The following ATRNL1 variants were observed in gnomAD, a reference collection of about 807,000 sequenced individuals.
The protein encoded by ATRNL1 is attractin like 1.
Under a neutral mutation model 182.7 loss-of-function variants are expected in ATRNL1, and 95 were observed. The observed-to-expected ratio is 0.52, with a 90% CI of 0.44 to 0.62. ATRNL1 has a LOEUF of 0.62. Ranked by LOEUF, ATRNL1 falls within the 20% of genes least tolerant of loss-of-function variation. ATRNL1 has a pLI of 0.00. For missense variants in ATRNL1, 1,471 were observed against 1,679.5 expected, an observed-to-expected ratio of 0.88 and a Z score of 2.17; for synonymous variants, 576 against 568.3, an observed-to-expected ratio of 1.01 and a Z score of -0.19.
intron 27 of ATRNL1, among the ~76,000 whole-genome samples, chr10:115,846,346 C>G (rs1228192844): frequency 6.6e-6 from 1 of 151,816 alleles, no homozygotes; most frequent in Non-Finnish European, 1.5e-5. Flanking sequence ...AATTTCAGTC[C>G]AAGTTTTACA....
At chr10:115,223,929 A>ATATATATAT (rs1420143943) in intron 9 of ATRNL1, among the ~76,000 whole-genome samples, 3 of 44,732 alleles carry the variant, frequency 6.7e-5, no homozygotes, top group African/African-American at 2.8e-4. Flanking sequence ...ATATATATAT[A>ATATATATAT]TTTTTTTTTT....
chr10:115,846,577 A>G (rs915978938), intron 27 of ATRNL1, among the ~76,000 whole-genome samples: 3 of 152,086 alleles, frequency 2.0e-5, no homozygotes, highest in African/African-American at 7.2e-5. Context: ...TGTTGCTTTG[A>G]TATATCAACC....
intron 27 of ATRNL1, among the ~76,000 whole-genome samples, chr10:115,836,259 A>G (rs1375336633): frequency 6.6e-6 from 1 of 152,144 alleles, no homozygotes; most frequent in Non-Finnish European, 1.5e-5. Context: ...AATAGGGGAA[A>G]TATTCTGAGG....
At chr10:115,150,125 T>A (rs1554880230) in intron 5 of ATRNL1, among the ~76,000 whole-genome samples, 2 of 152,048 alleles carry the variant, frequency 1.3e-5, no homozygotes, top group Non-Finnish European at 2.9e-5. Context: ...TTCCAGTTTG[T>A]TAGTGTATAG....
At chr10:115,692,255 A>T (rs1200410569) in intron 26 of ATRNL1, among the ~76,000 whole-genome samples, 5 of 152,218 alleles carry the variant, frequency 3.3e-5, no homozygotes, top group Non-Finnish European at 7.3e-5. Context: ...TAGGTGCCTG[A>T]TGGGACCCTA....
chr10:115,361,457 G>C (rs560910614), intron 19 of ATRNL1, among the ~76,000 whole-genome samples: 1 of 152,114 alleles, frequency 6.6e-6, no homozygotes, highest in East Asian at 1.9e-4. Flanking sequence ...GAGCATCATT[G>C]TTTGTGGATC....
At chr10:115,129,108 G>A (rs1209386477) in intron 4 of ATRNL1, among the ~76,000 whole-genome samples, 6 of 152,086 alleles carry the variant, frequency 3.9e-5, no homozygotes, top group African/African-American at 1.2e-4. Context: ...TGGTATCAAA[G>A]TAAATCTGTT....
rs903302452 is a variant in ATRNL1, at chr10:115,945,429, G to C, written c.*650G>C. ...CACAGGGGGTTTATTAGAATGCTCAGTGTAGAGGACATTCCTGTCATCCAT... is the reference window on the plus strand; with the variant it reads ...CACAGGGGGTTTATTAGAATGCTCACTGTAGAGGACATTCCTGTCATCCAT... On this transcript the variant is annotated 3_prime_UTR_variant, in exon 29 of 29. Transcript: ENST00000355044. The C allele has an allele frequency of 6.6e-6, 1 of 152,300 alleles. No individual in the cohort carries two copies. Among genetic ancestry groups the C allele is most frequent in the South Asian group, 2.1e-4 (1 of 4,818 alleles). 9.4% of individuals were successfully genotyped at this position (152,300 alleles called of 1,614,324 possible).
chr10:115,613,863 A>G (rs1857291441), intron 26 of ATRNL1, among the ~76,000 whole-genome samples: 1 of 151,916 alleles, frequency 6.6e-6, no homozygotes, highest in South Asian at 2.1e-4. Flanking sequence ...ATCAGTTATA[A>G]TATCTCCTAT....
chr10:115,513,301 C>T (rs1166195276), intron 24 of ATRNL1, among the ~76,000 whole-genome samples: 1 of 151,962 alleles, frequency 6.6e-6, no homozygotes, highest in East Asian at 1.9e-4. Flanking sequence ...TGTTTGATCT[C>T]AGCACTTCTG....
At chr10:115,458,299 G>A (rs1160335728) in intron 21 of ATRNL1, among the ~76,000 whole-genome samples, 1 of 152,120 alleles carries the variant, frequency 6.6e-6, no homozygotes, top group African/African-American at 2.4e-5. Context: ...GTGGAAAATT[G>A]TGCAGTTGGT....
chr10:115,452,641 C>T (rs546065171), intron 21 of ATRNL1, among the ~76,000 whole-genome samples: 42 of 152,166 alleles, frequency 2.8e-4, no homozygotes, highest in South Asian at 1.9e-3. Context: ...TCAGCACAAT[C>T]AAGACTATAA....
intron 21 of ATRNL1, among the ~76,000 whole-genome samples, chr10:115,454,071 A>G (rs1847408655): frequency 6.6e-6 from 1 of 151,988 alleles, no homozygotes. Flanking sequence ...TCCACTTTGA[A>G]TTGATTTCTG....
intron 26 of ATRNL1, among the ~76,000 whole-genome samples, chr10:115,682,669 T>TATGGTGATGATGATGATG (rs1555045086): frequency 6.0e-5 from 9 of 150,074 alleles, no homozygotes; most frequent in African/African-American, 2.2e-4. Flanking sequence ...AGATAATACA[T>TATGGTGATGATGATGATG]ATGATGATGA....
At chr10:115,140,172 C>G (rs1845700159) in intron 5 of ATRNL1, among the ~76,000 whole-genome samples, 1 of 152,098 alleles carries the variant, frequency 6.6e-6, no homozygotes, top group African/African-American at 2.4e-5. Flanking sequence ...ATCTGCTTGG[C>G]TAAACCTAGG....
chr10:115,434,851 C>T (rs1554964566), intron 21 of ATRNL1, among the ~76,000 whole-genome samples: 1 of 152,114 alleles, frequency 6.6e-6, no homozygotes, highest in African/African-American at 2.4e-5. Flanking sequence ...ACTCTAACTG[C>T]ATCCACTGGC....
intron 27 of ATRNL1, among the ~76,000 whole-genome samples, chr10:115,839,392 T>C (rs1285380511): frequency 1.3e-5 from 2 of 152,110 alleles, no homozygotes; most frequent in Admixed American, 1.3e-4. Context: ...CCAGGAAGGA[T>C]GTGAAGGGCT....
chr10:115,269,786 G>A (rs563832938), intron 13 of ATRNL1, among the ~76,000 whole-genome samples: 20 of 152,108 alleles, frequency 1.3e-4, no homozygotes, highest in African/African-American at 4.8e-4. Flanking sequence ...GAGGTAAAAG[G>A]CAAAGAAAAG....
In ATRNL1 at chr10:115,267,704, A is replaced by G. The variant is rs946513809; in HGVS notation, c.1982-622A>G. Among the ~76,000 whole-genome samples the G allele has an allele frequency of 5.9e-5, 9 of 152,122 alleles. 1 individual carries two copies. Among genetic ancestry groups the G allele is most frequent in the Admixed American group, 3.3e-4 (5 of 15,246 alleles). ...TGTTATGATGTTTTCTTTTGTATGTATAGTAATACACTTTGTTCAGTAAAA... is the reference window on the plus strand; with the variant it reads ...TGTTATGATGTTTTCTTTTGTATGTGTAGTAATACACTTTGTTCAGTAAAA... On this transcript the variant is annotated intron_variant, in intron 12 of 28. Transcript: ENST00000355044.
Sources: gnomAD v4.1 joint callset for allele counts (sites outside exome capture counted in the v4.1 genomes callset) on GRCh38, gnomAD v4.1.1 for gene constraint, MANE v1.5 for transcripts, NCBI Gene and HGNC (gene_info 2026-07-23, HGNC 2026-07-21) for gene names.